BNC2: variants seen among roughly 807,000 people sequenced by gnomAD.
BNC2 encodes the protein basonuclin zinc finger protein 2, also known as zinc finger protein basonuclin-2.
In BNC2, 20 loss-of-function variants were observed where a neutral mutation model predicts 76.3. The ratio of observed to expected loss-of-function variants is 0.26; its 90% CI spans 0.18 to 0.38. BNC2 has a LOEUF of 0.38. Ranked by LOEUF, BNC2 falls within the 10% of genes least tolerant of loss-of-function variation. The probability of loss-of-function intolerance (pLI) is 1.00; values close to 1 mark genes in which losing one functional copy is unlikely to be tolerated. For missense variants in BNC2, 1,382 were observed against 1,399.8 expected (o/e 0.99, Z 0.20); for synonymous variants, 582 against 514.8 (o/e 1.13, Z -1.77).
chr9:16,805,112 A>G (rs1817873780), intron 1 of BNC2, among the ~76,000 whole-genome samples: 1 of 152,148 alleles, frequency 6.6e-6, no homozygotes, highest in Admixed American at 6.5e-5. Context: ...ACACCACTGG[A>G]TCAATATAAA....
chr9:16,419,684 TG>T (rs775730476), intron 6 of BNC2, 35 bp from the exon 7 acceptor site: 10 of 365,900 alleles, frequency 2.7e-5, no homozygotes, highest in East Asian at 7.7e-5. Context: ...GGTACGTGGA[TG>T]GGGGGTGGGG....
intron 3 of BNC2, among the ~76,000 whole-genome samples, chr9:16,657,425 G>C (rs1033051337): frequency 1.3e-5 from 2 of 152,224 alleles, no homozygotes; most frequent in African/African-American, 4.8e-5. Flanking sequence ...ATATGCTTCA[G>C]ATGAGAGGTC....
At chr9:16,518,881 G>A (rs377377170) in intron 5 of BNC2, among the ~76,000 whole-genome samples, 17 of 152,164 alleles carry the variant, frequency 1.1e-4, no homozygotes, top group African/African-American at 2.2e-4. Context: ...GATTACAGGC[G>A]TGAGCCACTG....
intron 4 of BNC2, among the ~76,000 whole-genome samples, chr9:16,572,737 T>C (rs1168559663): frequency 1.3e-4 from 20 of 152,084 alleles, no homozygotes; most frequent in Non-Finnish European, 8.8e-5. Flanking sequence ...CCAGGATCAA[T>C]AGTGCAGCAA....
chr9:16,771,928 G>A (rs910914271), intron 1 of BNC2, among the ~76,000 whole-genome samples: 8 of 152,140 alleles, frequency 5.3e-5, no homozygotes, highest in African/African-American at 1.9e-4. Flanking sequence ...TACAGTTCAT[G>A]GTGGGGGGAG....
intron 5 of BNC2, among the ~76,000 whole-genome samples, chr9:16,468,743 A>AT (rs1191649686): frequency 6.6e-6 from 1 of 152,118 alleles, no homozygotes; most frequent in East Asian, 1.9e-4. Context: ...GGTAGGTACT[A>AT]TTATCATCTC....
intron 3 of BNC2, among the ~76,000 whole-genome samples, chr9:16,604,879 C>G (rs976607872): frequency 6.6e-6 from 1 of 152,098 alleles, no homozygotes; most frequent in Admixed American, 6.5e-5. Context: ...AATAAAGAAA[C>G]CAGACCTTGT....
At chr9:16,528,040 T>G (rs564524896) in intron 5 of BNC2, among the ~76,000 whole-genome samples, 1 of 152,322 alleles carries the variant, frequency 6.6e-6, no homozygotes, top group Admixed American at 6.5e-5. Flanking sequence ...AAATGCATCT[T>G]GTATTATCAA....
At chr9:16,700,076 TAATA>T (rs1252088832) in intron 3 of BNC2, among the ~76,000 whole-genome samples, 4 of 152,254 alleles carry the variant, frequency 2.6e-5, no homozygotes, top group Non-Finnish European at 5.9e-5. Context: ...TATATGTCTT[TAATA>T]GATATGCTAT....
intron 5 of BNC2, among the ~76,000 whole-genome samples, chr9:16,544,295 T>C (rs1818407328): frequency 6.6e-6 from 1 of 152,202 alleles, no homozygotes; most frequent in Non-Finnish European, 1.5e-5. Flanking sequence ...TCATTGATCT[T>C]TCTGCTCCAG....
At chr9:16,790,722 C>T (rs1346367956) in intron 1 of BNC2, among the ~76,000 whole-genome samples, 1 of 151,816 alleles carries the variant, frequency 6.6e-6, no homozygotes, top group Non-Finnish European at 1.5e-5. Flanking sequence ...CACTTCATAA[C>T]TGACTTTGAT....
In BNC2 at chr9:16,620,890, T is replaced by G. The variant is rs187702090; in HGVS notation, c.331-37805A>C. On this transcript the variant is annotated intron_variant, in intron 3 of 6. Coordinates refer to ENST00000380672, the MANE Select transcript of BNC2 (RefSeq NM_017637.6). ...GATATGACTTATTTCTGTAGGATGT[T>G]CTTACACACACAGAGGTAACACCAC... is the stretch of plus-strand genomic sequence containing the variant. 2.3e-3 allele frequency among the ~76,000 whole-genome samples: 348 copies of G among 152,290 alleles called. 1 individual carries two copies. The highest frequency in any genetic ancestry group is 3.4e-3 in the Middle Eastern group (1 of 294).
intron 5 of BNC2, among the ~76,000 whole-genome samples, chr9:16,502,061 T>C (rs766091163): frequency 2.0e-4 from 30 of 152,284 alleles, no homozygotes; most frequent in Non-Finnish European, 3.2e-4. Context: ...CATATCCTTT[T>C]TTTGGTTGGC....
intron 2 of BNC2, among the ~76,000 whole-genome samples, chr9:16,732,925 A>G (rs936009837): frequency 1.3e-5 from 2 of 152,240 alleles, no homozygotes; most frequent in African/African-American, 4.8e-5. Flanking sequence ...ATGTGGACTC[A>G]GGTTGCCATT....
At chr9:16,590,101 A>T (rs555200704) in intron 3 of BNC2, among the ~76,000 whole-genome samples, 1 of 152,192 alleles carries the variant, frequency 6.6e-6, no homozygotes, top group South Asian at 2.1e-4. Flanking sequence ...TCTACAAAAA[A>T]TATAAAAATT....
intron 1 of BNC2, among the ~76,000 whole-genome samples, chr9:16,745,140 G>A (rs1204385620): frequency 1.1e-4 from 17 of 152,194 alleles, no homozygotes; most frequent in Admixed American, 1.1e-3. Context: ...GAATTGTTGT[G>A]AAGGTTAAAC....
In BNC2 at chr9:16,472,222, A is replaced by G. The variant is rs967416333; in HGVS notation, c.670-34698T>C. Among the ~76,000 whole-genome samples, 10 of 152,226 alleles carry G rather than the reference A, an allele frequency of 6.6e-5. 1 individual carries two copies. Among genetic ancestry groups the G allele is most frequent in the Admixed American group, 2.6e-4 (4 of 15,284 alleles). On this transcript the variant is annotated intron_variant, in intron 5 of 6. Coordinates refer to ENST00000380672, the MANE Select transcript of BNC2 (RefSeq NM_017637.6). ...ACAAAGGGAAAGGAGTCTGGACAGTACAGGTATATAACCTCACTGCTTTCT... is the reference window on the plus strand; with the variant it reads ...ACAAAGGGAAAGGAGTCTGGACAGTGCAGGTATATAACCTCACTGCTTTCT...
chr9:16,442,613 G>T lies in BNC2; in HGVS notation c.670-5089C>A, dbSNP rs569696595. Among the ~76,000 whole-genome samples the T allele has an allele frequency of 2.2e-3, 334 of 152,260 alleles. 2 individuals carry two copies. Among genetic ancestry groups the T allele is most frequent in the African/African-American group, 7.8e-3 (325 of 41,566 alleles). On this transcript the variant is annotated intron_variant, in intron 5 of 6. Transcript: ENST00000380672. ...AAGAGATGGAAGAGAAACCAAATAA[G>T]GGGCTTTGGGATAATCAGACTGTCG...
intron 5 of BNC2, chr9:16,473,179 A>T (rs1402743757): frequency 6.6e-6 from 1 of 152,236 alleles, no homozygotes; most frequent in Non-Finnish European, 1.5e-5. Context: ...ATCTCTGCAG[A>T]AGAGAAGAAA....
Sources: allele counts gnomAD v4.1 joint callset (sites outside exome capture counted in the v4.1 genomes callset), GRCh38; gene constraint gnomAD v4.1.1; transcripts MANE v1.5; gene names NCBI Gene and HGNC (gene_info 2026-07-23, HGNC 2026-07-21).